The following SIAH3 variants were observed in gnomAD, a reference collection of about 807,000 sequenced individuals.
SIAH3 encodes seven in absentia homolog 3.
SIAH3 carries 9 observed loss-of-function variants against 12.6 expected under a neutral mutation model. The observed-to-expected ratio is 0.72, with a 90% CI of 0.43 to 1.25. The LOEUF is 1.25. Ranked by LOEUF, SIAH3 falls within the 50% of genes most tolerant of loss-of-function variation. SIAH3 has a pLI of 0.00. For synonymous variants in SIAH3, 154 were observed against 151.1 expected (o/e 1.02, Z -0.14); for missense variants, 390 against 365.4 (o/e 1.07, Z -0.55).
At position 45,805,313 on chromosome 13, in the gene SIAH3, A is replaced by T. The variant is rs146577831; in HGVS notation, c.136-21256T>A. Among the ~76,000 whole-genome samples, 111 of 152,312 alleles carry T rather than the reference A, an allele frequency of 7.3e-4. 2 individuals carry two copies. The East Asian group carries it at 0.019, about 26-fold the overall frequency. ...AGAAGAAAGTTGGAGGCATCACACT[A>T]CCTGACTTCAAACTATACTACAAAG... On this transcript the variant is annotated intron_variant, in intron 1 of 1. Coordinates refer to ENST00000400405, the MANE Select transcript of SIAH3 (RefSeq NM_198849.3).
At chr13:45,846,975 C>T (rs994261278) in intron 1 of SIAH3, among the ~76,000 whole-genome samples, 28 of 152,324 alleles carry the variant, frequency 1.8e-4, no homozygotes, top group African/African-American at 6.3e-4. Flanking sequence ...ATTCACAGAA[C>T]CCATGGGCTG....
At chr13:45,815,480 A>G (rs1404374123) in intron 1 of SIAH3, among the ~76,000 whole-genome samples, 1 of 152,140 alleles carries the variant, frequency 6.6e-6, no homozygotes, top group Non-Finnish European at 1.5e-5. Flanking sequence ...CTTTGAACTT[A>G]CCAGGATCGC....
At chr13:45,824,415 A>G (rs769000631) in intron 1 of SIAH3, among the ~76,000 whole-genome samples, 8 of 152,210 alleles carry the variant, frequency 5.3e-5, no homozygotes, top group Non-Finnish European at 1.2e-4. Flanking sequence ...AACAAAAGCA[A>G]TAACAGAATA....
At chr13:45,807,743 T>A (rs1950602934) in intron 1 of SIAH3, among the ~76,000 whole-genome samples, 2 of 152,320 alleles carry the variant, frequency 1.3e-5, no homozygotes, top group South Asian at 4.1e-4. Context: ...TATGGATGGA[T>A]GACAACAGCT....
At chr13:45,837,877 A>G (rs536860205) in intron 1 of SIAH3, among the ~76,000 whole-genome samples, 2 of 152,334 alleles carry the variant, frequency 1.3e-5, no homozygotes, top group Admixed American at 6.5e-5. Flanking sequence ...TGTTTCCAAC[A>G]TGTTGAGAAG....
At chr13:45,841,753 G>A (rs1050096839) in intron 1 of SIAH3, among the ~76,000 whole-genome samples, 2 of 152,162 alleles carry the variant, frequency 1.3e-5, no homozygotes, top group Non-Finnish European at 2.9e-5. Context: ...TGAAGGTCTG[G>A]GATAATGGCT....
chr13:45,789,153 G>A (rs1386519098), intron 1 of SIAH3, among the ~76,000 whole-genome samples: 1 of 152,176 alleles, frequency 6.6e-6, no homozygotes, highest in Non-Finnish European at 1.5e-5. Context: ...AGCCAAGAGA[G>A]AAAACAACAG....
At chr13:45,844,040 G>A (rs963376609) in intron 1 of SIAH3, among the ~76,000 whole-genome samples, 49 of 152,230 alleles carry the variant, frequency 3.2e-4, no homozygotes, top group Admixed American at 4.6e-4. Context: ...TTTAGGTTGT[G>A]CGCAGGATAT....
intron 1 of SIAH3, among the ~76,000 whole-genome samples, chr13:45,789,670 G>A (rs935625144): frequency 6.6e-6 from 1 of 152,140 alleles, no homozygotes; most frequent in African/African-American, 2.4e-5. Flanking sequence ...ACTTCACAAA[G>A]TGTTGGGATT....
chr13:45,833,977 T>G (rs1950709093), intron 1 of SIAH3, among the ~76,000 whole-genome samples: 1 of 151,420 alleles, frequency 6.6e-6, no homozygotes, highest in African/African-American at 2.4e-5. Context: ...GCTTTCTTAT[T>G]TTTCGCCCAA....
At chr13:45,815,916 A>G (rs1431133963) in intron 1 of SIAH3, among the ~76,000 whole-genome samples, 1 of 152,230 alleles carries the variant, frequency 6.6e-6, no homozygotes, top group East Asian at 1.9e-4. Context: ...AAATCACAGC[A>G]AATTGTATTA....
At chr13:45,809,748 T>A (rs1335530481) in intron 1 of SIAH3, among the ~76,000 whole-genome samples, 3 of 152,194 alleles carry the variant, frequency 2.0e-5, no homozygotes, top group African/African-American at 7.2e-5. Flanking sequence ...AAGAACCAGA[T>A]AATTGTGGTT....
intron 1 of SIAH3, among the ~76,000 whole-genome samples, chr13:45,797,030 AT>A (rs1950565178): frequency 6.6e-6 from 1 of 152,142 alleles, no homozygotes; most frequent in South Asian, 2.1e-4. Context: ...CGTTCATCCA[AT>A]ATTCATCTTT....
rs143643531 is a variant in SIAH3 at position 45,838,165 on chromosome 13, C to T, written c.135+13330G>A. ...CTTCTCATCTGACAGATGAAGTAGC[C>T]AAGGTTAAGTGACTTGCTCAAGACC... On this transcript the variant is annotated intron_variant, in intron 1 of 1. Transcript: ENST00000400405. Among the ~76,000 whole-genome samples the T allele has an allele frequency of 6.6e-3, 802 of 122,262 alleles. 4 individuals are homozygous for T. The highest frequency in any genetic ancestry group is 6.8e-3 in the Non-Finnish European group (383 of 56,428). 80.2% of individuals were successfully genotyped at this position (122,262 alleles called of 152,430 possible).
chr13:45,786,542 C>T (rs753568927), intron 1 of SIAH3, among the ~76,000 whole-genome samples: 1 of 152,152 alleles, frequency 6.6e-6, no homozygotes, highest in Non-Finnish European at 1.5e-5. Context: ...TCACTGTTTA[C>T]GTGTTCAGTC....
At chr13:45,832,758 TA>T (rs1950704131) in intron 1 of SIAH3, among the ~76,000 whole-genome samples, 1 of 152,234 alleles carries the variant, frequency 6.6e-6, no homozygotes, top group Admixed American at 6.5e-5. Flanking sequence ...TACTATTTTT[TA>T]TAGCAGCTGC....
At chr13:45,840,728 C>T (rs966695260) in intron 1 of SIAH3, among the ~76,000 whole-genome samples, 14 of 152,182 alleles carry the variant, frequency 9.2e-5, no homozygotes, top group African/African-American at 3.4e-4. Flanking sequence ...GGTCCCAGCT[C>T]AGCGTTTTAA....
At position 45,783,755 on chromosome 13, in the gene SIAH3, C is replaced by T. The variant is rs757249959; in HGVS notation, c.438G>A (p.Thr146=). The T allele has an allele frequency of 2.5e-6, 4 of 1,614,068 alleles. No individual in the cohort carries two copies. Among genetic ancestry groups the T allele is most frequent in the South Asian group, 2.2e-5 (2 of 91,082 alleles). ...CAGCCGGCGCGGGGAGGTGCATGTC[C>T]GTGGCCAGGAAGACGATCTCGGCTC... The part of the protein sequence containing the change: ...LQGAEIVFLA[T]DMHLPAPADW... The change falls in exon 2 of 2, where the codon ACG becomes ACA. Residue 146 remains threonine (T), a synonymous_variant. Transcript: ENST00000400405.
chr13:45,785,583 C>G (rs985032819), intron 1 of SIAH3, among the ~76,000 whole-genome samples: 3 of 152,272 alleles, frequency 2.0e-5, no homozygotes, highest in Non-Finnish European at 4.4e-5. Flanking sequence ...TGCATACACA[C>G]ACGCTCATGA....
Sources: allele counts gnomAD v4.1 joint callset (sites outside exome capture counted in the v4.1 genomes callset), GRCh38; gene constraint gnomAD v4.1.1; transcripts MANE v1.5; gene names NCBI Gene and HGNC (gene_info 2026-07-23, HGNC 2026-07-21).